Variants in FHIT observed in about 807,000 individuals in gnomAD.
FHIT encodes the protein fragile histidine triad diadenosine triphosphatase.
In FHIT, 19 loss-of-function variants were observed where a neutral mutation model predicts 17.9. The ratio of observed to expected loss-of-function variants is 1.06; its 90% CI spans 0.74 to 1.56. FHIT has a LOEUF of 1.56. Among genes scored for constraint, FHIT ranks in the 40% most tolerant of loss-of-function variants. FHIT has a pLI of 0.00. For synonymous variants in FHIT, 81 were observed against 69.7 expected, an observed-to-expected ratio of 1.16 and a Z score of -0.81; for missense variants, 248 against 189.2, an observed-to-expected ratio of 1.31 and a Z score of -1.82.
intron 2 of FHIT, among the ~76,000 whole-genome samples, chr3:61,125,200 T>A (rs1339726363): frequency 6.6e-6 from 1 of 152,210 alleles, no homozygotes; most frequent in Non-Finnish European, 1.5e-5. Flanking sequence ...TTATTTCAAC[T>A]GGCACTTTTT....
chr3:61,162,288 G>A (rs2037719808), intron 2 of FHIT, among the ~76,000 whole-genome samples: 1 of 152,154 alleles, frequency 6.6e-6, no homozygotes, highest in African/African-American at 2.4e-5. Context: ...AGGGGCTCCT[G>A]AATGAAAGCC....
Position 60,209,602 on chromosome 3 carries a change from TTG to T in FHIT, c.104-195452_104-195451del, listed in dbSNP as rs1703357220. 2.0e-5 allele frequency among the ~76,000 whole-genome samples: 3 copies of T among 152,220 alleles called. No individual in the cohort carries two copies. The South Asian group carries it at 6.2e-4, about 32-fold the overall frequency. ...CAAAGGATTTGTTTGTTTAGGAAAG[TTG>T]TGTGACCCAGTTTCAGCCAACAAGG... On this transcript the variant is annotated intron_variant, in intron 5 of 9. Transcript: ENST00000492590.
intron 5 of FHIT, among the ~76,000 whole-genome samples, chr3:60,316,938 C>G (rs541315934): frequency 3.3e-5 from 5 of 152,008 alleles, no homozygotes; most frequent in Admixed American, 2.0e-4. Flanking sequence ...CTTTCCTAAT[C>G]GATTGAAATA....
chr3:60,190,447 T>C (rs1702350078), intron 5 of FHIT, among the ~76,000 whole-genome samples: 1 of 151,878 alleles, frequency 6.6e-6, no homozygotes, highest in African/African-American at 2.4e-5. Context: ...AAGATAGTTA[T>C]AGTAAAAATT....
intron 8 of FHIT, among the ~76,000 whole-genome samples, chr3:59,760,927 C>T (rs1701481913): frequency 6.6e-6 from 1 of 152,100 alleles, no homozygotes; most frequent in Non-Finnish European, 1.5e-5. Context: ...GATCCAGCCA[C>T]TTCCGCCTCC....
chr3:59,785,603 G>A (rs147571986), intron 8 of FHIT, among the ~76,000 whole-genome samples: 264 of 152,274 alleles, frequency 1.7e-3, no homozygotes, highest in African/African-American at 6.0e-3. Context: ...ACAGGCGTGA[G>A]CCACTACACC....
At chr3:60,834,528 T>G (rs187393080) in intron 3 of FHIT, among the ~76,000 whole-genome samples, 1 of 151,720 alleles carries the variant, frequency 6.6e-6, no homozygotes, top group African/African-American at 2.4e-5. Flanking sequence ...TTTGCAAATA[T>G]TTTCTTCCAG....
intron 5 of FHIT, among the ~76,000 whole-genome samples, chr3:60,243,771 C>T (rs1281709034): frequency 1.3e-5 from 2 of 152,004 alleles, no homozygotes; most frequent in Non-Finnish European, 2.9e-5. Context: ...TAATATTATC[C>T]CACCACCCAG....
chr3:59,922,446 A>T, intron 7 of FHIT, 32 bp from the exon 8 acceptor site: 1 of 1,562,592 alleles, frequency 6.4e-7, no homozygotes, highest in Non-Finnish European at 8.8e-7. Flanking sequence ...AAAAAATGTG[A>T]TTATCTCCCC....
At chr3:60,993,439 A>G (rs965573458) in intron 3 of FHIT, among the ~76,000 whole-genome samples, 1 of 152,196 alleles carries the variant, frequency 6.6e-6, no homozygotes, top group Admixed American at 6.5e-5. Flanking sequence ...AAGTTCTGCT[A>G]TACCCAACAA....
chr3:59,887,869 T>C (rs1703692530), intron 8 of FHIT, among the ~76,000 whole-genome samples: 1 of 152,342 alleles, frequency 6.6e-6, no homozygotes, highest in Non-Finnish European at 1.5e-5. Flanking sequence ...CTCCAAGATG[T>C]ATTCCTGTCC....
chr3:61,239,761 C>CTATATATATATATATATA (rs1491311135), intron 1 of FHIT, among the ~76,000 whole-genome samples: 4,306 of 62,416 alleles, frequency 0.069, 275 homozygotes, highest in Middle Eastern at 0.11. Flanking sequence ...AAACAACTGG[C>CTATATATATATATATATA]CATATATATA....
At position 60,699,628 on chromosome 3, in the gene FHIT, A is replaced by T. The variant is rs1057128201; in HGVS notation, c.-18+122291T>A. ...TGGGTGCAGCGCACCAGCATGGCACATGTATACATATGTAACTAACCTGCA... is the reference window on the plus strand; with the variant it reads ...TGGGTGCAGCGCACCAGCATGGCACTTGTATACATATGTAACTAACCTGCA... On this transcript the variant is annotated intron_variant, in intron 4 of 9. Transcript: ENST00000492590. Among the ~76,000 whole-genome samples the T allele has an allele frequency of 4.2e-5, 6 of 141,950 alleles. 1 individual carries two copies. Among genetic ancestry groups the T allele is most frequent in the African/African-American group, 1.8e-4 (6 of 33,418 alleles). The allele number at this position is 141,950 out of a possible 152,430, so 93.1% of individuals were successfully genotyped here.
chr3:60,070,298 A>G (rs1256449959), intron 5 of FHIT, among the ~76,000 whole-genome samples: 1 of 152,172 alleles, frequency 6.6e-6, no homozygotes, highest in African/African-American at 2.4e-5. Flanking sequence ...CTGTCTCTAC[A>G]TCACCATCAT....
At chr3:60,165,074 A>T (rs1189573259) in intron 5 of FHIT, among the ~76,000 whole-genome samples, 1 of 152,170 alleles carries the variant, frequency 6.6e-6, no homozygotes, top group East Asian at 1.9e-4. Context: ...CAGGCAAATA[A>T]CCTGAATGAG....
chr3:60,567,430 C>A (rs2037179268), intron 4 of FHIT, among the ~76,000 whole-genome samples: 1 of 152,174 alleles, frequency 6.6e-6, no homozygotes, highest in Non-Finnish European at 1.5e-5. Flanking sequence ...TGGATCCCTT[C>A]CTTACACCTT....
chr3:60,230,994 C>G (rs1271681720), intron 5 of FHIT, among the ~76,000 whole-genome samples: 1 of 152,210 alleles, frequency 6.6e-6, no homozygotes, highest in Non-Finnish European at 1.5e-5. Context: ...GCGTGAGCCA[C>G]CACTCCTGGC....
chr3:61,129,577 C>G lies in FHIT; in HGVS notation c.-164+71040G>C, dbSNP rs149940142. The stretch of plus-strand genomic sequence containing the variant: ...CCCAGGGATCAATTTGGTTAATAAC[C>G]TCTCTGCTGCCTTAAAATCACTTGG... On this transcript the variant is annotated intron_variant, in intron 2 of 9. Coordinates refer to ENST00000492590, the MANE Select transcript of FHIT (RefSeq NM_002012.4). 3.9e-5 allele frequency among the ~76,000 whole-genome samples: 6 copies of G among 152,278 alleles called. No individual in the cohort carries two copies. The East Asian group carries it at 1.2e-3, about 29-fold the overall frequency.
At chr3:60,612,098 C>T (rs1246528566) in intron 4 of FHIT, among the ~76,000 whole-genome samples, 1 of 152,106 alleles carries the variant, frequency 6.6e-6, no homozygotes, top group Non-Finnish European at 1.5e-5. Context: ...TGACTTCTTA[C>T]CCAAACCTGG....
Sources: gnomAD v4.1 joint callset for allele counts (sites outside exome capture counted in the v4.1 genomes callset) on GRCh38, gnomAD v4.1.1 for gene constraint, MANE v1.5 for transcripts, NCBI Gene and HGNC (gene_info 2026-07-23, HGNC 2026-07-21) for gene names.